BEGAIN: variants seen among roughly 807,000 people sequenced by gnomAD.
BEGAIN encodes the protein brain-enriched guanylate kinase-associated protein.
Under a neutral mutation model 35.8 loss-of-function variants are expected in BEGAIN, and 19 were observed. The ratio of observed to expected loss-of-function variants is 0.53; its 90% CI spans 0.37 to 0.78. The LOEUF (loss-of-function observed/expected upper bound fraction) is 0.78, where lower values mean the gene tolerates loss of function less well. BEGAIN is among the 30% of genes least tolerant of loss of function. The pLI is 0.00. For synonymous variants in BEGAIN, 462 were observed against 388.6 expected (o/e 1.19, Z -2.22); for missense variants, 795 against 853.6 (o/e 0.93, Z 0.85).
chr14:100,538,179 G>T lies in BEGAIN; in HGVS notation c.1629C>A (p.Leu543=), dbSNP rs536208105. 1.3e-6 allele frequency: 2 copies of T among 1,539,462 alleles called. No homozygotes were observed. The highest frequency in any genetic ancestry group is 1.7e-6 in the Non-Finnish European group (2 of 1,146,376). The change falls in exon 7 of 7, where the codon CTC becomes CTA. Residue 543 remains leucine, a synonymous_variant. Coordinates refer to ENST00000554140, the MANE Select transcript of BEGAIN (RefSeq NM_001385089.1). ...TGGCGGTCCCACACAGCTGCACCCC[G>T]AGCCTGTCCCCGTCCCCCCCCTCGC... ...APSEGGDGDR[L]GVQLCGTASS...
At chr14:100,556,244 G>A (rs1286165974) in intron 2 of BEGAIN, among the ~76,000 whole-genome samples, 8 of 151,900 alleles carry the variant, frequency 5.3e-5, no homozygotes. Context: ...CTGGCTGGCC[G>A]CGCCACTGCT....
intron 1 of BEGAIN, among the ~76,000 whole-genome samples, chr14:100,571,290 G>T (rs759898983): frequency 6.6e-6 from 1 of 152,174 alleles, no homozygotes; most frequent in Non-Finnish European, 1.5e-5. Flanking sequence ...ACTCCCACCT[G>T]TGGCCATCTG....
At chr14:100,556,846 T>A (rs910112149) in intron 2 of BEGAIN, among the ~76,000 whole-genome samples, 2 of 151,976 alleles carry the variant, frequency 1.3e-5, no homozygotes, top group Non-Finnish European at 2.9e-5. Context: ...CGAGGGTGGG[T>A]GGGGCAGAGC....
chr14:100,553,785 A>C (rs985476741), intron 2 of BEGAIN, among the ~76,000 whole-genome samples: 2 of 151,950 alleles, frequency 1.3e-5, no homozygotes, highest in Non-Finnish European at 2.9e-5. Flanking sequence ...TCCTGCTGGG[A>C]TACTGCTTCC....
intron 5 of BEGAIN, among the ~76,000 whole-genome samples, chr14:100,540,895 C>A (rs1364920494): frequency 6.6e-6 from 1 of 152,220 alleles, no homozygotes; most frequent in Non-Finnish European, 1.5e-5. Context: ...CCCCAATGGC[C>A]CTGAGCTCCC....
At chr14:100,540,329 C>A in intron 6 of BEGAIN, 167 bp downstream of exon 6, 1 of 616,712 alleles carries the variant, frequency 1.6e-6, no homozygotes, top group Non-Finnish European at 2.8e-6. Flanking sequence ...GTGCCTTTGG[C>A]GGCCCCTCCA....
intron 1 of BEGAIN, among the ~76,000 whole-genome samples, chr14:100,570,871 G>A (rs541099867): frequency 3.3e-5 from 5 of 152,358 alleles, no homozygotes; most frequent in African/African-American, 1.2e-4. Flanking sequence ...CGCATGAAGT[G>A]GCTTGCTCAA....
chr14:100,539,276 C>T lies in BEGAIN; in HGVS notation c.532G>A (p.Glu178Lys). Residue 178 changes from glutamate to lysine, a missense_variant, in exon 7 of 7, where the codon GAG becomes AAG. Glu to Lys is a moderately conservative substitution (Grantham distance 56, BLOSUM62 1). Around this residue, in one of 3 missense-constraint regions of BEGAIN, gnomAD observed 664 missense variants for 647.7 expected, o/e 1.03. Coordinates refer to ENST00000554140, the MANE Select transcript of BEGAIN (RefSeq NM_001385089.1). ...GATGGCAGGCTGCAGCCGTGCTTCT[C>T]CATGTGCAGGCTCACGCGCTCCTGG... ...DFQERVSLHM[E>K]KHGCSLPSPL... 1.3e-5 allele frequency: 20 copies of T among 1,583,044 alleles called. No individual in the cohort carries two copies. Among genetic ancestry groups the T allele is most frequent in the Non-Finnish European group, 1.7e-5 (20 of 1,165,582 alleles).
At chr14:100,545,429 A>G (rs2032239393) in intron 3 of BEGAIN, 1 of 1,075,730 alleles carries the variant, frequency 9.3e-7, no homozygotes, top group Admixed American at 4.8e-5. Flanking sequence ...TGGGGTTGAC[A>G]GTTCAAATGC....
Position 100,538,507 on chromosome 14 carries a change from C to T in BEGAIN, c.1301G>A (p.Arg434Lys), listed in dbSNP as rs199996727. The part of the protein sequence containing the change: ...GTARLPGEDM[R>K]GQWRPLSVED... ...CACGCTCAGGGGACGCCACTGGCCCCTCATGTCCTCCCCGGGGAGCCGGGC... is the reference window on the plus strand; with the variant it reads ...CACGCTCAGGGGACGCCACTGGCCCTTCATGTCCTCCCCGGGGAGCCGGGC... Residue 434 changes from arginine (R) to lysine (K), a missense_variant, in exon 7 of 7, where the codon AGG becomes AAG. Physicochemically the swap from Arg to Lys is conservative, Grantham distance 26. Transcript: ENST00000554140. The T allele has an allele frequency of 1.5e-3, 2,369 of 1,531,760 alleles. 12 individuals are homozygous for T. The highest frequency in any genetic ancestry group is 1.3e-3 in the South Asian group (100 of 77,274). The allele number at this position is 1,531,760 out of a possible 1,614,324, so 94.9% of individuals were successfully genotyped here. A position where few individuals can be genotyped will look rare whatever the true frequency, so the allele number is the denominator to read the frequency against.
At chr14:100,576,633 C>T (rs1020893189) in intron 1 of BEGAIN, among the ~76,000 whole-genome samples, 1 of 152,164 alleles carries the variant, frequency 6.6e-6, no homozygotes, top group African/African-American at 2.4e-5. Context: ...ATCCGGGCAG[C>T]CCACGAGGAC....
At position 100,568,076 on chromosome 14, in the gene BEGAIN, C is replaced by A; in HGVS notation, c.43-137G>T. 9.2e-7 allele frequency: 1 copy of A among 1,083,428 alleles called. No homozygotes were observed. The highest frequency in any genetic ancestry group is 4.4e-5 in the South Asian group (1 of 22,714). 67.1% of individuals were successfully genotyped at this position (1,083,428 alleles called of 1,614,324 possible). A position where few individuals can be genotyped will look rare whatever the true frequency, so the allele number is the denominator to read the frequency against. ...CGTGGGAAGCCCGGCGCCGCGCGTC[C>A]CCAGCTTCCAGTCCCGGCCGCGGCC... On this transcript the variant is annotated intron_variant, in intron 1 of 6. Transcript: ENST00000554140. This position sits in a 1 kb window ranked among gnomAD's most constrained non-coding sequence, Gnocchi z 7.5.
chr14:100,560,805 C>T (rs1472169265), intron 2 of BEGAIN, among the ~76,000 whole-genome samples: 1 of 152,216 alleles, frequency 6.6e-6, no homozygotes, highest in Admixed American at 6.5e-5. Context: ...GTCCCATCTC[C>T]TGCTTCCCGT....
chr14:100,538,198 C>A lies in BEGAIN; in HGVS notation c.1610G>T (p.Gly537Val), dbSNP rs780718553. 39 of 1,553,008 alleles carry A rather than the reference C, an allele frequency of 2.5e-5. No homozygotes were observed. Among genetic ancestry groups the A allele is most frequent in the South Asian group, 5.9e-5 (5 of 84,750 alleles). Residue 537 changes from glycine (G) to valine (V), a missense_variant, in exon 7 of 7, where the codon GGG (glycine) becomes GTG (valine). Around this residue, in one of 3 missense-constraint regions of BEGAIN, gnomAD observed 664 missense variants for 647.7 expected, o/e 1.03. Coordinates refer to ENST00000554140, the MANE Select transcript of BEGAIN (RefSeq NM_001385089.1). ...CACCCCGAGCCTGTCCCCGTCCCCCCCCTCGCTGGGTGCATAGCCGGGCAG... is the reference window on the plus strand; with the variant it reads ...CACCCCGAGCCTGTCCCCGTCCCCCACCTCGCTGGGTGCATAGCCGGGCAG... Reference protein sequence around the residue: ...DPLPGYAPSEGGDGDRLGVQL... With the variant: ...DPLPGYAPSEVGDGDRLGVQL...
chr14:100,568,295 C>T lies in BEGAIN; in HGVS notation c.43-356G>A. On this transcript the variant is annotated intron_variant, in intron 1 of 6. Transcript: ENST00000554140. The surrounding 1 kb of genome is among the most constrained non-coding windows in gnomAD (Gnocchi z 7.5). ...GTCCCCGTTAACTCTCCGGCGGCCG[C>T]GGCCCCGCTGCTCCCCCCGCCCCGC... 2 of 754,550 alleles carry T rather than the reference C, an allele frequency of 2.7e-6. No homozygotes were observed. Among genetic ancestry groups the T allele is most frequent in the South Asian group, 1.7e-5 (1 of 60,026 alleles). 46.7% of individuals were successfully genotyped at this position (754,550 alleles called of 1,614,324 possible).
chr14:100,567,830 GC>G lies in BEGAIN; in HGVS notation c.71+80del. The stretch of plus-strand genomic sequence containing the variant: ...GCCCTGGGGGATGCGCTCGGGTGGA[GC>G]CCCCTTCCCCCGCCTTCCCCAGCGC... On this transcript the variant is annotated intron_variant, in intron 2 of 6. Coordinates refer to ENST00000554140, the MANE Select transcript of BEGAIN (RefSeq NM_001385089.1). The surrounding 1 kb of genome is among the most constrained non-coding windows in gnomAD (Gnocchi z 5.1). The G allele has an allele frequency of 6.5e-6, 9 of 1,381,126 alleles. No homozygotes were observed. Among genetic ancestry groups the G allele is most frequent in the Admixed American group, 2.5e-5 (1 of 40,364 alleles). The allele number at this position is 1,381,126 out of a possible 1,614,324, so 85.6% of individuals were successfully genotyped here.
intron 2 of BEGAIN, among the ~76,000 whole-genome samples, chr14:100,559,168 T>C (rs1427155849): frequency 6.6e-6 from 1 of 152,036 alleles, no homozygotes; most frequent in East Asian, 1.9e-4. Context: ...GGAGCCTCAG[T>C]GGGGCTGTCT....
In BEGAIN at chr14:100,567,428, C is replaced by T. The variant is rs1362093914; in HGVS notation, c.71+483G>A. Reference sequence around the variant, plus strand: ...GAGGACTCCATCCCCCACCCCCGCCCCCCAGAGGCGGACACTTAAAAGCTC... The same window carrying T: ...GAGGACTCCATCCCCCACCCCCGCCTCCCAGAGGCGGACACTTAAAAGCTC... On this transcript the variant is annotated intron_variant, in intron 2 of 6. Transcript: ENST00000554140. This position sits in a 1 kb window ranked among gnomAD's most constrained non-coding sequence, Gnocchi z 5.1. Among the ~76,000 whole-genome samples the T allele has an allele frequency of 1.3e-5, 2 of 152,088 alleles. No individual in the cohort carries two copies. Among genetic ancestry groups the T allele is most frequent in the Admixed American group, 6.5e-5 (1 of 15,288 alleles).
intron 2 of BEGAIN, among the ~76,000 whole-genome samples, chr14:100,565,533 G>C (rs1187723067): frequency 6.6e-6 from 1 of 152,114 alleles, no homozygotes; most frequent in Admixed American, 6.5e-5. Flanking sequence ...CAGGCCCTGG[G>C]GGGTGTGGGA....
Sources: gnomAD v4.1 joint callset for allele counts (sites outside exome capture counted in the v4.1 genomes callset) on GRCh38, gnomAD v4.1.1 for gene constraint, gnomAD v4.1.1 regional missense constraint, Gnocchi (gnomAD v3.1) non-coding constraint, MANE v1.5 for transcripts, NCBI Gene and HGNC (gene_info 2026-07-23, HGNC 2026-07-21) for gene names.